Variants in P4HA1 observed in about 807,000 individuals in gnomAD.
P4HA1 encodes the protein prolyl 4-hydroxylase subunit alpha-1.
In P4HA1, 24 loss-of-function variants were observed where a neutral mutation model predicts 72.8. The ratio of observed to expected loss-of-function variants is 0.33; its 90% CI spans 0.24 to 0.46. P4HA1 has a LOEUF of 0.46. Among genes scored for constraint, P4HA1 ranks in the 20% least tolerant of loss-of-function variants. The pLI is 1.00. For missense variants in P4HA1, 446 were observed against 640.6 expected, an observed-to-expected ratio of 0.70 and a Z score of 3.28; for synonymous variants, 201 against 218.8, an observed-to-expected ratio of 0.92 and a Z score of 0.72.
At chr10:73,063,884 A>G (rs988432805) in intron 5 of P4HA1, among the ~76,000 whole-genome samples, 1 of 152,212 alleles carries the variant, frequency 6.6e-6, no homozygotes, top group Non-Finnish European at 1.5e-5. Context: ...GTAATGCAGC[A>G]TTTGAAAAGG....
Position 73,053,566 on chromosome 10 carries a change from G to A in P4HA1, c.488C>T (p.Thr163Met), listed in dbSNP as rs377345472. Residue 163 changes from threonine (T) to methionine (M), a missense_variant, in exon 6 of 15, where the codon ACG becomes ATG. Physicochemically the swap from Thr to Met is moderately conservative, Grantham distance 81 (BLOSUM62 -1). Transcript: ENST00000394890. ...GCCCAACTCAAAGCAGTCCTCAGCC[G>A]TTAGAAAAGATTTGTGTTTCACTCC... The part of the protein sequence containing the change: ...LPGVKHKSFL[T>M]AEDCFELGKV... 89 of 1,613,516 alleles carry A rather than the reference G, an allele frequency of 5.5e-5. No individual in the cohort carries two copies. The highest frequency in any genetic ancestry group is 3.8e-4 in the East Asian group (17 of 44,888).
chr10:73,068,781 G>T, intron 5 of P4HA1, 65 bp downstream of exon 5: 1 of 1,269,690 alleles, frequency 7.9e-7, no homozygotes, highest in Non-Finnish European at 1.1e-6. Context: ...TACTAACATT[G>T]TGTTAATGGA....
At chr10:73,024,108 C>A (rs12572256) in intron 10 of P4HA1, among the ~76,000 whole-genome samples, 16,178 of 152,096 alleles carry the variant, frequency 0.11, 1,225 homozygotes, top group East Asian at 0.29. Context: ...ATATCCAGGA[C>A]TGGAACTCAG....
intron 1 of P4HA1, among the ~76,000 whole-genome samples, chr10:73,075,709 C>T (rs1841681259): frequency 6.6e-6 from 1 of 150,494 alleles, no homozygotes; most frequent in Admixed American, 6.6e-5. Context: ...TAATTTGTTC[C>T]ATCTTTTTCA....
Position 73,030,341 on chromosome 10 carries a change from A to G in P4HA1, c.1178T>C (p.Val393Ala), listed in dbSNP as rs1840404922. 1 of 1,577,190 alleles carries G rather than the reference A, an allele frequency of 6.3e-7. No homozygotes were observed. Among genetic ancestry groups the G allele is most frequent in the African/African-American group, 1.3e-5 (1 of 74,468 alleles). ...TATTCTCATATTAATTCGAGACACCACAGGATTTTCATAGCCAGAGAGCCA... is the reference window on the plus strand; with the variant it reads ...TATTCTCATATTAATTCGAGACACCGCAGGATTTTCATAGCCAGAGAGCCA... ...SAWLSGYENP[V>A]VSRINMRIQD... The change falls in exon 10 of 15, where the codon GTG (valine) becomes GCG (alanine). Residue 393 changes from valine to alanine, a missense_variant. Coordinates refer to ENST00000394890, the MANE Select transcript of P4HA1 (RefSeq NM_001017962.3).
intron 5 of P4HA1, among the ~76,000 whole-genome samples, chr10:73,055,352 G>A (rs528940293): frequency 1.3e-5 from 2 of 152,266 alleles, no homozygotes; most frequent in African/African-American, 4.8e-5. Flanking sequence ...TTACAGGCGT[G>A]TGCTACCATG....
chr10:73,009,829 T>C lies in P4HA1; in HGVS notation c.1512A>G (p.Pro504=), dbSNP rs779277588. 2.5e-6 allele frequency: 4 copies of C among 1,603,438 alleles called. No homozygotes were observed. The South Asian group carries it at 3.3e-5, about 13-fold the overall frequency. The change falls in exon 14 of 15, where the codon CCA becomes CCG. Residue 504 remains proline, a synonymous_variant. Transcript: ENST00000394890. ...GDYSTRHAAC[P]VLVGNKWVSN... ...TACCCCATTTGTTGCCAACTAGCAC[T>C]GGACAGGCTGCATGCCGTGTACTAT... is the stretch of plus-strand genomic sequence containing the variant.
chr10:73,047,753 T>G (rs1446452915), intron 7 of P4HA1, among the ~76,000 whole-genome samples: 3 of 152,124 alleles, frequency 2.0e-5, no homozygotes, highest in Non-Finnish European at 4.4e-5. Flanking sequence ...TTCTCTTAAT[T>G]AAACAAGTAT....
chr10:73,037,563 ATATATATATTTT>A lies in P4HA1; in HGVS notation c.1149-7205_1149-7194del, dbSNP rs1404419229. Among the ~76,000 whole-genome samples, 45 of 32,546 alleles carry A rather than the reference ATATATATATTTT, an allele frequency of 1.4e-3. 2 individuals are homozygous for A. The highest frequency in any genetic ancestry group is 3.7e-3 in the African/African-American group (28 of 7,644). 21.4% of individuals were successfully genotyped at this position (32,546 alleles called of 152,430 possible). On this transcript the variant is annotated intron_variant, in intron 9 of 14. Coordinates refer to ENST00000394890, the MANE Select transcript of P4HA1 (RefSeq NM_001017962.3). The stretch of plus-strand genomic sequence containing the variant: ...TATATATATATATATATATATATAT[ATATATATATTTT>A]TTTTTTTTTTTTTTTACAAAGGCAA...
At chr10:73,010,878 A>C (rs1839897817) in intron 13 of P4HA1, 91 bp downstream of exon 13, 1 of 941,494 alleles carries the variant, frequency 1.1e-6, no homozygotes, top group African/African-American at 1.7e-5. Flanking sequence ...AAAGAAAAAA[A>C]AATGTAATTC....
At chr10:73,087,713 C>A (rs998822953) in intron 1 of P4HA1, among the ~76,000 whole-genome samples, 1 of 151,866 alleles carries the variant, frequency 6.6e-6, no homozygotes, top group Non-Finnish European at 1.5e-5. Flanking sequence ...TGGTCTCAAA[C>A]TCCTGGATTT....
chr10:73,047,285 A>C lies in P4HA1; in HGVS notation c.901-184T>G, dbSNP rs531395153. 1.2e-3 allele frequency among the ~76,000 whole-genome samples: 181 copies of C among 152,334 alleles called. 5 individuals are homozygous for C. In the South Asian group the frequency reaches 0.036, roughly 30 times the overall value. ...ACAGGATGTTCAGAATTTTAAATAC[A>C]GTATTAATGATTATTTTCTGGGTGA... On this transcript the variant is annotated intron_variant, in intron 7 of 14. Coordinates refer to ENST00000394890, the MANE Select transcript of P4HA1 (RefSeq NM_001017962.3).
intron 10 of P4HA1, among the ~76,000 whole-genome samples, chr10:73,023,125 CA>C (rs1236029056): frequency 4.6e-5 from 7 of 152,102 alleles, no homozygotes; most frequent in African/African-American, 1.7e-4. Context: ...GGCCAACAGT[CA>C]AATTCAGAAA....
chr10:73,013,835 C>T (rs1839959346), intron 12 of P4HA1, among the ~76,000 whole-genome samples: 1 of 152,108 alleles, frequency 6.6e-6, no homozygotes, highest in African/African-American at 2.4e-5. Flanking sequence ...AATTTGCGCA[C>T]TCTTCTGATA....
At chr10:73,079,176 C>T (rs1461290647) in intron 1 of P4HA1, among the ~76,000 whole-genome samples, 1 of 152,222 alleles carries the variant, frequency 6.6e-6, no homozygotes, top group Non-Finnish European at 1.5e-5. Context: ...TAAGCCTAAA[C>T]TGGGTGCAGT....
At chr10:73,076,442 G>A (rs1841699228) in intron 1 of P4HA1, among the ~76,000 whole-genome samples, 1 of 151,142 alleles carries the variant, frequency 6.6e-6, no homozygotes, top group Non-Finnish European at 1.5e-5. Flanking sequence ...TCTCTCAAAG[G>A]ACCCAGACTT....
At chr10:73,092,366 T>TTTTTTA (rs796622096) in intron 1 of P4HA1, among the ~76,000 whole-genome samples, 2 of 141,660 alleles carry the variant, frequency 1.4e-5, no homozygotes, top group African/African-American at 5.6e-5. Context: ...TTTTTTTTTT[T>TTTTTTA]AGAGACAGGG....
At chr10:73,013,822 C>T (rs1296164776) in intron 12 of P4HA1, among the ~76,000 whole-genome samples, 2 of 151,994 alleles carry the variant, frequency 1.3e-5, no homozygotes, top group Admixed American at 6.6e-5. Context: ...AGTTATAATA[C>T]TTAATTTGCG....
rs1251132144 is a variant in P4HA1 at position 73,007,604 on chromosome 10, T to C, written c.*618A>G. The C allele has an allele frequency of 1.3e-5, 2 of 151,814 alleles. No homozygotes were observed. The highest frequency in any genetic ancestry group is 1.3e-4 in the Admixed American group (2 of 15,236). The allele number at this position is 151,814 out of a possible 1,614,324, so 9.4% of individuals were successfully genotyped here. ...TAAAAAAAAAAAAAAAATCGAAATA[T>C]TTTAACTCAAGTACGTTTAATTCAC... On this transcript the variant is annotated 3_prime_UTR_variant, in exon 15 of 15. Coordinates refer to ENST00000394890, the MANE Select transcript of P4HA1 (RefSeq NM_001017962.3).
Sources: gnomAD v4.1 joint callset for allele counts (sites outside exome capture counted in the v4.1 genomes callset) on GRCh38, gnomAD v4.1.1 for gene constraint, MANE v1.5 for transcripts, NCBI Gene and HGNC (gene_info 2026-07-23, HGNC 2026-07-21) for gene names.